DLG2: variants seen among roughly 807,000 people sequenced by gnomAD.
DLG2 encodes disks large homolog 2.
Under a neutral mutation model 132.5 loss-of-function variants are expected in DLG2, and 45 were observed. The observed-to-expected ratio is 0.34, with a 90% CI of 0.27 to 0.44. DLG2 has a LOEUF of 0.44. DLG2 is among the 20% of genes least tolerant of loss of function. The pLI is 1.00. For missense variants in DLG2, 1,045 were observed against 1,196.9 expected (o/e 0.87, Z 1.87); for synonymous variants, 424 against 419.6 (o/e 1.01, Z -0.13).
intron 6 of DLG2, among the ~76,000 whole-genome samples, chr11:84,968,471 A>G (rs1391048533): frequency 2.0e-5 from 3 of 152,140 alleles, no homozygotes; most frequent in African/African-American, 7.2e-5. Context: ...AATAAAAGTC[A>G]TTACGTATCC....
chr11:83,813,580 A>G (rs926265648), intron 17 of DLG2, among the ~76,000 whole-genome samples: 1 of 152,136 alleles, frequency 6.6e-6, no homozygotes, highest in Non-Finnish European at 1.5e-5. Context: ...ATGGAGACTG[A>G]GTAAGGTTGA....
chr11:83,587,966 T>C (rs973413511), intron 19 of DLG2, among the ~76,000 whole-genome samples: 1 of 152,124 alleles, frequency 6.6e-6, no homozygotes, highest in African/African-American at 2.4e-5. Context: ...CGAGATTATA[T>C]CCCGCACCTG....
At chr11:83,787,056 T>C (rs900373992) in intron 17 of DLG2, among the ~76,000 whole-genome samples, 1 of 152,208 alleles carries the variant, frequency 6.6e-6, no homozygotes, top group African/African-American at 2.4e-5. Flanking sequence ...TGTATGCATT[T>C]AATATGCCTC....
intron 3 of DLG2, among the ~76,000 whole-genome samples, chr11:85,438,270 C>A (rs149756185): frequency 1.5e-4 from 23 of 152,192 alleles, no homozygotes; most frequent in African/African-American, 4.8e-4. Context: ...ACTCCACCTG[C>A]AACATTGGGA....
chr11:84,654,258 A>G (rs2099685515), intron 6 of DLG2, among the ~76,000 whole-genome samples: 4 of 152,210 alleles, frequency 2.6e-5, no homozygotes, highest in African/African-American at 9.6e-5. Context: ...CTGAATCTTG[A>G]AGATTATCAG....
intron 19 of DLG2, among the ~76,000 whole-genome samples, chr11:83,614,535 A>G (rs1477622322): frequency 1.3e-5 from 2 of 152,108 alleles, no homozygotes; most frequent in Non-Finnish European, 2.9e-5. Flanking sequence ...CCTGGGCAAC[A>G]TGGCCAAACT....
chr11:84,069,399 C>G (rs2096723987), intron 10 of DLG2, among the ~76,000 whole-genome samples: 1 of 152,186 alleles, frequency 6.6e-6, no homozygotes, highest in Admixed American at 6.5e-5. Flanking sequence ...TCTAAGGGAA[C>G]CTGGACCAGG....
chr11:84,849,482 A>G (rs1201802475), intron 6 of DLG2, among the ~76,000 whole-genome samples: 2 of 152,092 alleles, frequency 1.3e-5, no homozygotes, highest in Non-Finnish European at 2.9e-5. Context: ...TCTCCATGCT[A>G]TAATCTAGCC....
intron 7 of DLG2, among the ~76,000 whole-genome samples, chr11:84,265,142 G>T (rs568113660): frequency 6.6e-6 from 1 of 152,212 alleles, no homozygotes; most frequent in East Asian, 1.9e-4. Context: ...GATGTTAAAA[G>T]TTATTATTTC....
intron 4 of DLG2, among the ~76,000 whole-genome samples, chr11:85,162,188 C>T (rs2078084689): frequency 6.6e-6 from 1 of 152,144 alleles, no homozygotes; most frequent in Non-Finnish European, 1.5e-5. Context: ...AATCAGTGTA[C>T]TACTCCACAA....
intron 18 of DLG2, among the ~76,000 whole-genome samples, chr11:83,740,674 T>C (rs2092434498): frequency 6.6e-6 from 1 of 152,172 alleles, no homozygotes; most frequent in South Asian, 2.1e-4. Flanking sequence ...TAAAAATAAA[T>C]ATACTTTCTC....
At chr11:84,012,624 C>G (rs2094948943) in intron 11 of DLG2, among the ~76,000 whole-genome samples, 1 of 152,144 alleles carries the variant, frequency 6.6e-6, no homozygotes, top group Admixed American at 6.6e-5. Context: ...AGTTTCAAAA[C>G]AGAGTCTGTG....
chr11:83,654,576 A>G (rs147575640), intron 18 of DLG2, among the ~76,000 whole-genome samples: 105 of 152,306 alleles, frequency 6.9e-4, no homozygotes, highest in Non-Finnish European at 1.5e-3. Context: ...AAAGCACTCC[A>G]TTATGACATT....
At chr11:85,481,793 C>G (rs1386202930) in intron 3 of DLG2, among the ~76,000 whole-genome samples, 1 of 152,124 alleles carries the variant, frequency 6.6e-6, no homozygotes, top group Non-Finnish European at 1.5e-5. Context: ...TGGGCCAGAA[C>G]CTATGGACCC....
chr11:84,921,142 T>A (rs1471464721), intron 6 of DLG2, among the ~76,000 whole-genome samples: 1 of 152,118 alleles, frequency 6.6e-6, no homozygotes, highest in African/African-American at 2.4e-5. Context: ...AGATGAAACT[T>A]TATTGCACCA....
At chr11:85,389,806 A>G (rs1200221706) in intron 3 of DLG2, among the ~76,000 whole-genome samples, 2 of 152,136 alleles carry the variant, frequency 1.3e-5, no homozygotes, top group Non-Finnish European at 2.9e-5. Flanking sequence ...CAGACGAACA[A>G]ATGCTGAGAG....
At chr11:84,678,449 G>T (rs1427865294) in intron 6 of DLG2, among the ~76,000 whole-genome samples, 2 of 152,008 alleles carry the variant, frequency 1.3e-5, no homozygotes, top group African/African-American at 4.8e-5. Context: ...ATAAGAGCAT[G>T]GAATTTGGGG....
chr11:83,779,263 G>T (rs1658745120), intron 18 of DLG2, among the ~76,000 whole-genome samples: 2 of 151,970 alleles, frequency 1.3e-5, no homozygotes, highest in African/African-American at 4.8e-5. Context: ...AGGTAGGATG[G>T]AAAGAGAAAA....
At chr11:83,741,385 G>T (rs931076542) in intron 18 of DLG2, among the ~76,000 whole-genome samples, 2 of 152,094 alleles carry the variant, frequency 1.3e-5, no homozygotes, top group African/African-American at 4.8e-5. Context: ...CTGATGATAT[G>T]ATTCTATACC....
Sources: gnomAD v4.1 joint callset for allele counts (sites outside exome capture counted in the v4.1 genomes callset) on GRCh38, gnomAD v4.1.1 for gene constraint, MANE v1.5 for transcripts, NCBI Gene and HGNC (gene_info 2026-07-23, HGNC 2026-07-21) for gene names.